STIM1: variants seen among roughly 807,000 people sequenced by gnomAD.
STIM1 encodes the protein stromal interaction molecule 1.
A neutral mutation model predicts 74.7 loss-of-function variants in STIM1; 25 were observed. That is an observed-to-expected ratio of 0.33 (90% CI 0.24 to 0.47). STIM1 has a LOEUF of 0.47. Ranked by LOEUF, STIM1 falls within the 20% of genes least tolerant of loss-of-function variation. STIM1 has a pLI of 1.00. For synonymous variants in STIM1, 328 were observed against 348.8 expected (o/e 0.94, Z 0.66); for missense variants, 728 against 920.8 (o/e 0.79, Z 2.71).
At chr11:3,936,481 G>C (rs1417531104) in intron 1 of STIM1, among the ~76,000 whole-genome samples, 1 of 152,206 alleles carries the variant, frequency 6.6e-6, no homozygotes, top group African/African-American at 2.4e-5. Flanking sequence ...GCAGAACAAC[G>C]TGCCTTTTGC....
chr11:3,941,468 G>A (rs776312939), intron 1 of STIM1, among the ~76,000 whole-genome samples: 1 of 151,978 alleles, frequency 6.6e-6, no homozygotes, highest in Admixed American at 6.6e-5. Flanking sequence ...GTAATTCTTG[G>A]TAGGGTTAAG....
chr11:3,904,196 C>CAAAAAAAAAATAA (rs2092418769), intron 1 of STIM1, among the ~76,000 whole-genome samples: 1 of 73,876 alleles, frequency 1.4e-5, no homozygotes, highest in African/African-American at 5.7e-5. Flanking sequence ...GACTCTGTCT[C>CAAAAAAAAAATAA]AAAAAAAAAA....
chr11:4,026,663 A>G (rs777976576), intron 3 of STIM1, among the ~76,000 whole-genome samples: 3 of 152,230 alleles, frequency 2.0e-5, no homozygotes, highest in Non-Finnish European at 4.4e-5. Context: ...CTACTCAGAG[A>G]ATTCAAGAAA....
At chr11:3,978,184 T>C (rs2093467370) in intron 2 of STIM1, among the ~76,000 whole-genome samples, 1 of 151,316 alleles carries the variant, frequency 6.6e-6, no homozygotes, top group African/African-American at 2.4e-5. Flanking sequence ...GTTTCGCTCT[T>C]GTTGCCCAGG....
At chr11:4,041,501 G>T (rs2094146915) in intron 3 of STIM1, among the ~76,000 whole-genome samples, 1 of 151,726 alleles carries the variant, frequency 6.6e-6, no homozygotes, top group African/African-American at 2.4e-5. Flanking sequence ...TTTTGGTGGT[G>T]AAAAAAATGA....
At chr11:3,882,116 T>G (rs1489645169) in intron 1 of STIM1, among the ~76,000 whole-genome samples, 1 of 147,078 alleles carries the variant, frequency 6.8e-6, no homozygotes, top group Non-Finnish European at 1.5e-5. Flanking sequence ...TTTTTTTTTT[T>G]GAGACAGAGT....
intron 1 of STIM1, among the ~76,000 whole-genome samples, chr11:3,863,104 G>C (rs181313860): frequency 6.6e-6 from 1 of 152,126 alleles, no homozygotes; most frequent in East Asian, 1.9e-4. Context: ...GTGTTGGCCA[G>C]GCTGGTCCTG....
chr11:4,083,065 C>T (rs1050902877), intron 9 of STIM1, 83 bp downstream of exon 9: 53 of 1,286,724 alleles, frequency 4.1e-5, no homozygotes, highest in Non-Finnish European at 5.4e-5. Flanking sequence ...AACACCAATT[C>T]CATTTCCTCA....
chr11:3,969,798 G>A (rs945310409), intron 2 of STIM1, among the ~76,000 whole-genome samples: 1 of 152,222 alleles, frequency 6.6e-6, no homozygotes, highest in Non-Finnish European at 1.5e-5. Context: ...ATGTATACTT[G>A]TTGAACCAGG....
At chr11:3,870,309 T>G (rs1418863383) in intron 1 of STIM1, among the ~76,000 whole-genome samples, 1 of 152,140 alleles carries the variant, frequency 6.6e-6, no homozygotes, top group East Asian at 1.9e-4. Flanking sequence ...GAGACAGTCT[T>G]GGAGACAGAC....
intron 1 of STIM1, among the ~76,000 whole-genome samples, chr11:3,900,709 A>T (rs939016591): frequency 1.3e-5 from 2 of 152,136 alleles, no homozygotes; most frequent in Non-Finnish European, 2.9e-5. Context: ...CCTCCCAAGT[A>T]TCTGGGACTA....
At chr11:3,971,073 A>G (rs1565132173) in intron 2 of STIM1, among the ~76,000 whole-genome samples, 1 of 152,290 alleles carries the variant, frequency 6.6e-6, no homozygotes, top group Admixed American at 6.5e-5. Context: ...TATTCCATAG[A>G]TATACAAGAT....
chr11:3,907,843 C>T (rs1039846452), intron 1 of STIM1, among the ~76,000 whole-genome samples: 10 of 152,224 alleles, frequency 6.6e-5, no homozygotes, highest in Non-Finnish European at 8.8e-5. Flanking sequence ...CAGACATACT[C>T]TTGCCTCAGG....
chr11:3,943,882 G>A (rs898224969), intron 1 of STIM1, among the ~76,000 whole-genome samples: 18 of 152,200 alleles, frequency 1.2e-4, no homozygotes, highest in Admixed American at 9.8e-4. Flanking sequence ...AAATTATCAC[G>A]TATATACACA....
At chr11:3,989,682 A>AAC (rs1187121415) in intron 2 of STIM1, among the ~76,000 whole-genome samples, 1 of 152,228 alleles carries the variant, frequency 6.6e-6, no homozygotes. Flanking sequence ...TGAAATTGAA[A>AAC]TTTCAGTGTC....
At chr11:3,964,435 T>G (rs1055175699) in intron 1 of STIM1, among the ~76,000 whole-genome samples, 1 of 152,234 alleles carries the variant, frequency 6.6e-6, no homozygotes, top group Non-Finnish European at 1.5e-5. Context: ...CTCAATCCCT[T>G]TAATCCTTCT....
At chr11:3,924,620 C>T (rs373534251) in intron 1 of STIM1, among the ~76,000 whole-genome samples, 273 of 152,092 alleles carry the variant, frequency 1.8e-3, no homozygotes, top group Non-Finnish European at 2.6e-3. Flanking sequence ...TCAATGAAGC[C>T]TTGTAGTACT....
At chr11:4,046,561 G>C (rs1451068963) in intron 3 of STIM1, among the ~76,000 whole-genome samples, 1 of 152,114 alleles carries the variant, frequency 6.6e-6, no homozygotes, top group Non-Finnish European at 1.5e-5. Flanking sequence ...GAGCATTCTT[G>C]CCTTCAACTT....
chr11:3,977,416 G>A (rs2093459039), intron 2 of STIM1, among the ~76,000 whole-genome samples: 1 of 152,116 alleles, frequency 6.6e-6, no homozygotes. Context: ...TATAACACAG[G>A]GTTATGAGCT....
Sources: allele counts gnomAD v4.1 joint callset (sites outside exome capture counted in the v4.1 genomes callset), GRCh38; gene constraint gnomAD v4.1.1; transcripts MANE v1.5; gene names NCBI Gene and HGNC (gene_info 2026-07-23, HGNC 2026-07-21).